ANKRD36: variants seen among roughly 807,000 people sequenced by gnomAD.
ANKRD36 encodes the protein ankyrin repeat domain-containing protein 36A.
ANKRD36 carries 179 observed loss-of-function variants against 278.1 expected under a neutral mutation model. The ratio of observed to expected loss-of-function variants is 0.64; its 90% confidence interval spans 0.57 to 0.73. ANKRD36 has a LOEUF of 0.73. ANKRD36 is among the 30% of genes least tolerant of loss of function. The probability of loss-of-function intolerance (pLI) is 0.00; values close to 1 mark genes in which losing one functional copy is unlikely to be tolerated. For synonymous variants in ANKRD36, 320 were observed against 641.1 expected, an observed-to-expected ratio of 0.50 and a Z score of 7.57; for missense variants, 1,159 against 1,956.7, an observed-to-expected ratio of 0.59 and a Z score of 7.69.
At chr2:97,148,306 G>A (rs202206837) in intron 11 of ANKRD36, among the ~76,000 whole-genome samples, 5,327 of 112,938 alleles carry the variant, frequency 0.047, no homozygotes, top group East Asian at 0.068. Flanking sequence ...CTTTCCAGAA[G>A]CAGAGGAATA....
intron 22 of ANKRD36, among the ~76,000 whole-genome samples, chr2:97,171,817 G>A (rs1437841585): frequency 6.6e-6 from 1 of 150,876 alleles, no homozygotes; most frequent in Non-Finnish European, 1.5e-5. Context: ...AATAACCCTA[G>A]AAGAAAATCT....
intron 8 of ANKRD36, among the ~76,000 whole-genome samples, chr2:97,143,997 C>T (rs200549352): frequency 1.1e-3 from 137 of 129,548 alleles, no homozygotes; most frequent in African/African-American, 3.7e-3. Context: ...CTGATCAATT[C>T]GGAACACTTC....
intron 66 of ANKRD36, among the ~76,000 whole-genome samples, chr2:97,220,269 G>C (rs576871289): frequency 1.3e-5 from 2 of 148,768 alleles, no homozygotes; most frequent in South Asian, 4.2e-4. Context: ...CCTCAGTAAT[G>C]CTAAAATGGA....
At chr2:97,227,064 C>G (rs1418593088) in intron 67 of ANKRD36, among the ~76,000 whole-genome samples, 1 of 152,128 alleles carries the variant, frequency 6.6e-6, no homozygotes, top group African/African-American at 2.4e-5. Context: ...TAGCGTGATG[C>G]CTCCAGCCTT....
chr2:97,156,489 C>A, intron 15 of ANKRD36, among the ~76,000 whole-genome samples: 1 of 120,456 alleles, frequency 8.3e-6, no homozygotes. Context: ...TTTGTTCTTG[C>A]GATAGTTTAC....
intron 56 of ANKRD36, among the ~76,000 whole-genome samples, chr2:97,210,469 A>T (rs1190355230): frequency 6.6e-6 from 1 of 151,866 alleles, no homozygotes; most frequent in African/African-American, 2.4e-5. Flanking sequence ...TCGAGGAACT[A>T]CTGGAAGCAG....
chr2:97,208,950 T>G lies in ANKRD36; in HGVS notation c.3266-731T>G, dbSNP rs139177957. Among the ~76,000 whole-genome samples, 6 of 146,774 alleles carry G rather than the reference T, an allele frequency of 4.1e-5. 2 individuals carry two copies. The highest frequency in any genetic ancestry group is 1.6e-4 in the African/African-American group (6 of 37,766). ...TAATATCTAATGCTTGTAGCCATTT[T>G]ACTTTGTAGACGTATGTCAAAGTTG... On this transcript the variant is annotated intron_variant, in intron 54 of 75. Transcript: ENST00000420699.
chr2:97,183,579 C>T lies in ANKRD36; in HGVS notation c.1867-3C>T. 2 of 1,555,332 alleles carry T rather than the reference C, an allele frequency of 1.3e-6. No homozygotes were observed. Among genetic ancestry groups the T allele is most frequent in the South Asian group, 1.2e-5 (1 of 84,248 alleles). On this transcript the variant is annotated splice_region_variant and splice_polypyrimidine_tract_variant and intron_variant, in intron 27 of 75. Transcript: ENST00000420699. ...TGACTATTTTGTTTCTCTTTCCATT[C>T]AGGTTATATTTAAAAAGAAAGTTTC... is the stretch of plus-strand genomic sequence containing the variant.
chr2:97,177,259 A>AC (rs2054548992), intron 22 of ANKRD36, among the ~76,000 whole-genome samples: 1 of 151,930 alleles, frequency 6.6e-6, no homozygotes, highest in Non-Finnish European at 1.5e-5. Flanking sequence ...TGCCCAAGGT[A>AC]ATTTACAGAT....
At chr2:97,220,775 A>AAT (rs2067350287) in intron 66 of ANKRD36, among the ~76,000 whole-genome samples, 1,275 of 62,512 alleles carry the variant, frequency 0.02, 1 homozygote, top group African/African-American at 0.082. Flanking sequence ...TTTTTTTTTA[A>AAT]TTTTTTTTTT....
rs558000313 is a variant in ANKRD36, at chr2:97,233,599, A to T, written c.3952-131A>T. 173 of 1,412,878 alleles carry T rather than the reference A, an allele frequency of 1.2e-4. No individual in the cohort carries two copies. In the Middle Eastern group the frequency reaches 1.3e-3, roughly 11 times the overall value. The allele number at this position is 1,412,878 out of a possible 1,614,324, so 87.5% of individuals were successfully genotyped here. On this transcript the variant is annotated intron_variant, in intron 67 of 75. Coordinates refer to ENST00000420699, the MANE Select transcript of ANKRD36 (RefSeq NM_001354587.1). ...AGAGTCAACATAAAGGAAATTGCTTAAAAAAAAAGTACGGAACAGGTACCT... is the reference window on the plus strand; with the variant it reads ...AGAGTCAACATAAAGGAAATTGCTTTAAAAAAAAGTACGGAACAGGTACCT...
intron 5 of ANKRD36, among the ~76,000 whole-genome samples, chr2:97,126,263 C>G (rs2038618661): frequency 7.1e-6 from 1 of 141,068 alleles, no homozygotes; most frequent in African/African-American, 2.6e-5. Flanking sequence ...GATAACATCA[C>G]TGATGGAGAT....
chr2:97,154,854 G>C (rs1341049701), intron 15 of ANKRD36, 113 bp downstream of exon 15: 19 of 905,132 alleles, frequency 2.1e-5, no homozygotes, highest in East Asian at 9.1e-5. Context: ...TTTTATGTTA[G>C]TATTAAAACT....
At chr2:97,170,076 G>C (rs1177464837) in intron 22 of ANKRD36, among the ~76,000 whole-genome samples, 1 of 151,822 alleles carries the variant, frequency 6.6e-6, no homozygotes, top group Non-Finnish European at 1.5e-5. Flanking sequence ...CCAAAACAGT[G>C]ATATAGACCA....
At chr2:97,222,182 C>G (rs899046678) in intron 66 of ANKRD36, among the ~76,000 whole-genome samples, 32 of 151,842 alleles carry the variant, frequency 2.1e-4, no homozygotes, top group African/African-American at 7.5e-4. Context: ...GTTACTGTAG[C>G]CTTGTAGTAT....
intron 20 of ANKRD36, among the ~76,000 whole-genome samples, chr2:97,164,936 T>G (rs1054242436): frequency 6.6e-6 from 1 of 151,810 alleles, no homozygotes; most frequent in Non-Finnish European, 1.5e-5. Context: ...TTTCTGCATG[T>G]GTGTGTGTGT....
At chr2:97,185,181 A>C in intron 28 of ANKRD36, 135 bp from the exon 29 acceptor site, 8 of 1,242,598 alleles carry the variant, frequency 6.4e-6, no homozygotes, top group Middle Eastern at 5.4e-4. Context: ...GTCATGTTCC[A>C]GTCCCCAGAC....
intron 38 of ANKRD36, among the ~76,000 whole-genome samples, chr2:97,194,448 G>A (rs532405846): frequency 2.6e-5 from 4 of 151,638 alleles, no homozygotes; most frequent in East Asian, 2.0e-4. Context: ...CTCATCACTC[G>A]GCATATCCAC....
intron 48 of ANKRD36, among the ~76,000 whole-genome samples, chr2:97,203,856 G>T (rs1304859696): frequency 6.6e-6 from 1 of 151,792 alleles, no homozygotes; most frequent in African/African-American, 2.4e-5. Flanking sequence ...ATCATACCAT[G>T]TTTGAAATTC....
Sources: allele counts gnomAD v4.1 joint callset (sites outside exome capture counted in the v4.1 genomes callset), GRCh38; gene constraint gnomAD v4.1.1; transcripts MANE v1.5; gene names NCBI Gene and HGNC (gene_info 2026-07-23, HGNC 2026-07-21).